RIMS2: variants seen among roughly 807,000 people sequenced by gnomAD.
RIMS2 encodes the protein regulating synaptic membrane exocytosis protein 2.
Under a neutral mutation model 174.4 loss-of-function variants are expected in RIMS2, and 59 were observed. That is an observed-to-expected ratio of 0.34 (90% CI 0.27 to 0.42). The LOEUF is 0.42. Among genes scored for constraint, RIMS2 ranks in the 10% least tolerant of loss-of-function variants. The probability of loss-of-function intolerance (pLI) is 1.00; values close to 1 mark genes in which losing one functional copy is unlikely to be tolerated. For missense variants in RIMS2, 1,620 were observed against 1,666.3 expected (o/e 0.97, Z 0.48); for synonymous variants, 606 against 572.5 (o/e 1.06, Z -0.84).
chr8:103,899,902 T>C (rs979947689), intron 4 of RIMS2, among the ~76,000 whole-genome samples: 2 of 151,742 alleles, frequency 1.3e-5, no homozygotes, highest in East Asian at 1.9e-4. Flanking sequence ...TTGTATAAGG[T>C]GTAAGGAAGG....
At chr8:103,665,785 G>GA (rs35331661) in intron 1 of RIMS2, among the ~76,000 whole-genome samples, 26,856 of 151,910 alleles carry the variant, frequency 0.18, 2,585 homozygotes, top group African/African-American at 0.24. Flanking sequence ...CTTTGCATGT[G>GA]AAAAAATGTA....
At chr8:103,833,563 CT>C (rs944365059) in intron 3 of RIMS2, among the ~76,000 whole-genome samples, 1 of 151,726 alleles carries the variant, frequency 6.6e-6, no homozygotes, top group Non-Finnish European at 1.5e-5. Flanking sequence ...ATTTTTTCAA[CT>C]TTTTTTGTGT....
At chr8:103,811,468 G>A (rs540645949) in intron 3 of RIMS2, among the ~76,000 whole-genome samples, 217 of 151,594 alleles carry the variant, frequency 1.4e-3, no homozygotes, top group South Asian at 0.013. Context: ...TTTTTGAGTC[G>A]GAGTCTCACT....
intron 3 of RIMS2, among the ~76,000 whole-genome samples, chr8:103,809,081 C>A (rs1496852): frequency 0.03 from 4,640 of 152,132 alleles, 216 homozygotes; most frequent in African/African-American, 0.1. Flanking sequence ...GCTACTGTTT[C>A]TTCTCCAGCT....
chr8:104,237,442 A>G (rs2099264445), intron 19 of RIMS2, among the ~76,000 whole-genome samples: 1 of 152,138 alleles, frequency 6.6e-6, no homozygotes, highest in Non-Finnish European at 1.5e-5. Flanking sequence ...TACATACATC[A>G]GCTGCTAAAT....
chr8:103,720,438 T>C (rs941254141), intron 2 of RIMS2, among the ~76,000 whole-genome samples: 6 of 152,240 alleles, frequency 3.9e-5, no homozygotes, highest in Admixed American at 2.6e-4. Context: ...TAGTAAATAC[T>C]GACTTAACAG....
chr8:103,921,757 C>G (rs1348394377), exon 10 of RIMS2: 1 of 1,484,456 alleles, frequency 6.7e-7, no homozygotes, highest in Non-Finnish European at 9.4e-7. Flanking sequence ...TGAGGGATGT[C>G]CCACAGTTCT....
chr8:103,619,861 A>G (rs897289354), intron 1 of RIMS2, among the ~76,000 whole-genome samples: 4 of 152,166 alleles, frequency 2.6e-5, no homozygotes, highest in African/African-American at 9.6e-5. Flanking sequence ...TTTCTGCTAC[A>G]AGATGTATGT....
intron 3 of RIMS2, among the ~76,000 whole-genome samples, chr8:103,775,966 C>T (rs2098311586): frequency 6.6e-6 from 1 of 152,148 alleles, no homozygotes; most frequent in Non-Finnish European, 1.5e-5. Context: ...AGAGTTGCAA[C>T]ATGTGCCAGC....
intron 1 of RIMS2, among the ~76,000 whole-genome samples, chr8:103,655,286 T>C (rs535823783): frequency 1.3e-5 from 2 of 152,042 alleles, no homozygotes; most frequent in African/African-American, 2.4e-5. Flanking sequence ...TGCATCAGCA[T>C]TAAAATGAGG....
At chr8:103,947,047 C>T (rs1399968763) in intron 14 of RIMS2, among the ~76,000 whole-genome samples, 1 of 151,916 alleles carries the variant, frequency 6.6e-6, no homozygotes, top group Non-Finnish European at 1.5e-5. Context: ...ATTTAATATC[C>T]ACATACAAAA....
At chr8:103,630,528 C>T (rs998884838) in intron 1 of RIMS2, among the ~76,000 whole-genome samples, 2 of 145,322 alleles carry the variant, frequency 1.4e-5, no homozygotes, top group Non-Finnish European at 3.0e-5. Context: ...TGCAATGAGC[C>T]GAGATCGTCC....
intron 2 of RIMS2, among the ~76,000 whole-genome samples, chr8:103,744,329 C>T (rs2097787648): frequency 6.6e-6 from 1 of 152,196 alleles, no homozygotes; most frequent in South Asian, 2.1e-4. Flanking sequence ...CAGGCATGAG[C>T]CACCACGCCC....
intron 2 of RIMS2, 59 bp downstream of exon 4, chr8:103,697,355 C>A: frequency 3.2e-6 from 4 of 1,252,100 alleles, no homozygotes; most frequent in Non-Finnish European, 3.5e-6. Context: ...TATCTATTCA[C>A]GTTAGAGAGT....
At chr8:104,058,013 G>C (rs531746800) in intron 19 of RIMS2, among the ~76,000 whole-genome samples, 1 of 152,036 alleles carries the variant, frequency 6.6e-6, no homozygotes, top group African/African-American at 2.4e-5. Context: ...ATTGTGAATG[G>C]TGCCGCAATA....
At chr8:103,646,150 A>G (rs1255258545) in intron 1 of RIMS2, among the ~76,000 whole-genome samples, 1 of 152,042 alleles carries the variant, frequency 6.6e-6, no homozygotes, top group South Asian at 2.1e-4. Flanking sequence ...GGAACAGGAC[A>G]TTTTCACTTC....
intron 19 of RIMS2, among the ~76,000 whole-genome samples, chr8:104,230,453 A>T (rs1358287508): frequency 6.6e-6 from 1 of 151,918 alleles, no homozygotes; most frequent in African/African-American, 2.4e-5. Flanking sequence ...CACAACCAGC[A>T]TGGGCAACAT....
chr8:104,033,526 A>G (rs887145928), intron 19 of RIMS2, among the ~76,000 whole-genome samples: 1 of 152,078 alleles, frequency 6.6e-6, no homozygotes, highest in Non-Finnish European at 1.5e-5. Context: ...TTGACATCTC[A>G]GAAACACAAC....
At chr8:103,927,678 T>G (rs1396988240) in intron 10 of RIMS2, among the ~76,000 whole-genome samples, 1 of 151,566 alleles carries the variant, frequency 6.6e-6, no homozygotes, top group East Asian at 1.9e-4. Flanking sequence ...CAAAATTAAT[T>G]TATTCATCAC....
Sources: gnomAD v4.1 joint callset for allele counts (sites outside exome capture counted in the v4.1 genomes callset) on GRCh38, gnomAD v4.1.1 for gene constraint, MANE v1.5 for transcripts, NCBI Gene and HGNC (gene_info 2026-07-23, HGNC 2026-07-21) for gene names.